The following ADPRS variants were observed in gnomAD, a reference collection of about 807,000 sequenced individuals.
ADPRS encodes the protein ADP-ribosylserine hydrolase.
Under a neutral mutation model 32.1 loss-of-function variants are expected in ADPRS, and 25 were observed. That is an observed-to-expected ratio of 0.78 (90% CI 0.57 to 1.09). ADPRS has a LOEUF of 1.09. Among genes scored for constraint, ADPRS ranks in the 50% least tolerant of loss-of-function variants. ADPRS has a pLI of 0.00. For missense variants in ADPRS, 482 were observed against 480.6 expected, an observed-to-expected ratio of 1.00 and a Z score of -0.03; for synonymous variants, 225 against 201.0, an observed-to-expected ratio of 1.12 and a Z score of -1.01.
In ADPRS at chr1:36,091,320, CG is replaced by C. The variant is rs1557733362; in HGVS notation, c.289del (p.Glu97ArgfsTer24). 6.2e-7 allele frequency: 1 copy of C among 1,614,134 alleles called. No homozygotes were observed. Among genetic ancestry groups the C allele is most frequent in the Non-Finnish European group, 8.5e-7 (1 of 1,180,020 alleles). On this transcript the variant is annotated frameshift_variant, in exon 2 of 6. Transcript: ENST00000373178. LOFTEE classifies it high-confidence loss of function. Reference protein sequence around the residue: ...QSLLAKEAFDEVDMAHRFAQE... With the variant: ...QSLLAKEAFDXVDMAHRFAQE... ...CCCTGCTAGCCAAGGAGGCCTTTGACGAGGTGGACATGGCTCACAGGTGAGG... is the reference window on the plus strand; with the variant it reads ...CCCTGCTAGCCAAGGAGGCCTTTGACAGGTGGACATGGCTCACAGGTGAGG...
rs1007316356 is a variant in ADPRS at position 36,092,226 on chromosome 1, T to C, written c.701+132T>C. ...CATGGGCAGAAGCCCCTTTATCTTG[T>C]CTATGTTTCAAGGCTCTCAGGGTCC... On this transcript the variant is annotated intron_variant, in intron 4 of 5. Transcript: ENST00000373178. The C allele has an allele frequency of 3.0e-6, 4 of 1,324,800 alleles. No homozygotes were observed. In the African/African-American group the frequency reaches 5.9e-5, roughly 20 times the overall value. The allele number at this position is 1,324,800 out of a possible 1,614,324, so 82.1% of individuals were successfully genotyped here. A position where few individuals can be genotyped will look rare whatever the true frequency, so the allele number is the denominator to read the frequency against.
In ADPRS at chr1:36,092,486, G is replaced by A; in HGVS notation, c.766G>A (p.Ala256Thr). 1 of 1,614,194 alleles carries A rather than the reference G, an allele frequency of 6.2e-7. No homozygotes were observed. The highest frequency in any genetic ancestry group is 8.5e-7 in the Non-Finnish European group (1 of 1,180,042). Reference protein sequence around the residue: ...LKKIGELLDQASVTREEVVSE... With the variant: ...LKKIGELLDQTSVTREEVVSE... ...GAAGATTGGAGAGCTTCTAGACCAGGCATCGGTGACCAGGGAGGAAGTGGT... is the reference window on the plus strand; with the variant it reads ...GAAGATTGGAGAGCTTCTAGACCAGACATCGGTGACCAGGGAGGAAGTGGT... The change falls in exon 5 of 6, where the codon GCA becomes ACA. Residue 256 changes from alanine to threonine, a missense_variant. Coordinates refer to ENST00000373178, the MANE Select transcript of ADPRS (RefSeq NM_017825.3).
chr1:36,092,002 G>A lies in ADPRS; in HGVS notation c.609G>A (p.Gln203=), dbSNP rs760340955. 2 of 1,614,094 alleles carry A rather than the reference G, an allele frequency of 1.2e-6. No individual in the cohort carries two copies. Among genetic ancestry groups the A allele is most frequent in the Non-Finnish European group, 1.7e-6 (2 of 1,179,992 alleles). ...LQALAVHLAL[Q]GESSSEHFLK... is the part of the protein sequence containing the mutation. ...CCCTGGCTGTGCACCTGGCCTTGCA[G>A]GGCGAGTCTTCCAGCGAGCACTTTC... The change falls in exon 4 of 6, where the codon CAG becomes CAA. Residue 203 remains glutamine, a synonymous_variant. Transcript: ENST00000373178.
intron 2 of ADPRS, 130 bp from the exon 3 acceptor site, chr1:36,091,488 C>A: frequency 8.3e-7 from 1 of 1,201,266 alleles, no homozygotes; most frequent in Non-Finnish European, 1.2e-6. Context: ...GCTAAAACAG[C>A]AGCACTGCTG....
chr1:36,091,636 G>C lies in ADPRS; in HGVS notation c.327G>C (p.Lys109Asn), dbSNP rs767700856. The C allele has an allele frequency of 1.7e-5, 28 of 1,605,058 alleles. No homozygotes were observed. The highest frequency in any genetic ancestry group is 2.0e-5 in the Non-Finnish European group (24 of 1,175,310). Residue 109 changes from lysine (K) to asparagine (N), a missense_variant, in exon 3 of 6, where the codon AAG (lysine) becomes AAC (asparagine). By Grantham distance (94) the Lys-to-Asn change is moderately conservative. Transcript: ENST00000373178. ...DMAHRFAQEY[K>N]KDPDRGYGAG... ...TCCCTAGATTTGCTCAGGAGTACAAGAAAGACCCTGACAGGGGCTATGGTG... is the reference window on the plus strand; with the variant it reads ...TCCCTAGATTTGCTCAGGAGTACAACAAAGACCCTGACAGGGGCTATGGTG...
chr1:36,093,681 T>A lies in ADPRS; in HGVS notation c.*295T>A, dbSNP rs1333535704. On this transcript the variant is annotated 3_prime_UTR_variant, in exon 6 of 6. Transcript: ENST00000373178. ...TATTTTGGAGGGGTACTTGTGGCATTTTCCTGTATTGTCTTGGACATGGGA... is the reference window on the plus strand; with the variant it reads ...TATTTTGGAGGGGTACTTGTGGCATATTCCTGTATTGTCTTGGACATGGGA... The A allele has an allele frequency of 5.1e-6, 2 of 388,796 alleles. No homozygotes were observed. The highest frequency in any genetic ancestry group is 4.0e-5 in the African/African-American group (2 of 50,386). The allele number at this position is 388,796 out of a possible 1,614,324, so 24.1% of individuals were successfully genotyped here. A position where few individuals can be genotyped will look rare whatever the true frequency, so the allele number is the denominator to read the frequency against.
chr1:36,091,496 C>A, intron 2 of ADPRS, 122 bp from the exon 3 acceptor site: 1 of 1,192,024 alleles, frequency 8.4e-7, no homozygotes, highest in Non-Finnish European at 1.2e-6. Flanking sequence ...AGCAGCACTG[C>A]TGGTGCAGGC....
At position 36,092,259 on chromosome 1, in the gene ADPRS, C is replaced by T. The variant is rs77760126; in HGVS notation, c.702-163C>T. On this transcript the variant is annotated intron_variant, in intron 4 of 5. Transcript: ENST00000373178. ...TCAAGGCTCTCAGGGTCCCAGAGAA[C>T]GAAACGACCTGCTCACCCCAGCCCT... 3.0e-3 allele frequency among the ~76,000 whole-genome samples: 455 copies of T among 152,256 alleles called. 20 individuals carry two copies. The East Asian group carries it at 0.077, about 26-fold the overall frequency.
At chr1:36,092,228 T>C (rs1643494347) in intron 4 of ADPRS, 134 bp downstream of exon 4, 1 of 1,318,432 alleles carries the variant, frequency 7.6e-7, no homozygotes, top group Non-Finnish European at 1.0e-6. Flanking sequence ...TTATCTTGTC[T>C]ATGTTTCAAG....
rs1643498617 is a variant in ADPRS, at chr1:36,092,535, GC to G, written c.802+15del. The G allele has an allele frequency of 6.2e-7, 1 of 1,612,416 alleles. No individual in the cohort carries two copies. Among genetic ancestry groups the G allele is most frequent in the South Asian group, 1.1e-5 (1 of 91,070 alleles). ...GTGTCTGAGCTAGGTGAGTGGGTCT[GC>G]CTGGGATTGTCTCTCCCTCTGTCGT... On this transcript the variant is annotated intron_variant, in intron 5 of 5. Coordinates refer to ENST00000373178, the MANE Select transcript of ADPRS (RefSeq NM_017825.3).
At chr1:36,090,679 CAA>C (rs10625386) in intron 1 of ADPRS, among the ~76,000 whole-genome samples, 54 of 65,352 alleles carry the variant, frequency 8.3e-4, no homozygotes, top group East Asian at 2.3e-3. Flanking sequence ...TCCATCTCTA[CAA>C]AAAAAAAAAA....
At chr1:36,092,587 G>A in intron 5 of ADPRS, 65 bp downstream of exon 5, 2 of 1,499,668 alleles carry the variant, frequency 1.3e-6, no homozygotes, top group Non-Finnish European at 1.9e-6. Context: ...TTGGGCTCAG[G>A]GGAGCATGGA....
chr1:36,089,084 G>T lies in ADPRS; in HGVS notation c.180G>T (p.Pro60=). 1.4e-6 allele frequency: 2 copies of T among 1,434,534 alleles called. No individual in the cohort carries two copies. Among genetic ancestry groups the T allele is most frequent in the Non-Finnish European group, 1.8e-6 (2 of 1,096,266 alleles). The allele number at this position is 1,434,534 out of a possible 1,614,324, so 88.9% of individuals were successfully genotyped here. The change falls in exon 1 of 6, where the codon CCG becomes CCT. Residue 60 remains proline (P), a synonymous_variant. Transcript: ENST00000373178. ...TGCGTCATGTCCAGAGTCTGGAGCC[G>T]GACCCCGGCACGCCCGGGAGTGAGC... The part of the protein sequence containing the change: ...SVLRHVQSLE[P]DPGTPGSERT...
In ADPRS at chr1:36,093,526, G is replaced by T. The variant is rs1224200092; in HGVS notation, c.*140G>T. 4 of 1,145,344 alleles carry T rather than the reference G, an allele frequency of 3.5e-6. No homozygotes were observed. Among genetic ancestry groups the T allele is most frequent in the Non-Finnish European group, 4.9e-6 (4 of 823,816 alleles). The allele number at this position is 1,145,344 out of a possible 1,614,324, so 70.9% of individuals were successfully genotyped here. ...GACTGAGTACACCGGTGAGGCTGGG[G>T]TCTCTGCAGGGGAGGTCACTGGAAC... On this transcript the variant is annotated 3_prime_UTR_variant, in exon 6 of 6. Coordinates refer to ENST00000373178, the MANE Select transcript of ADPRS (RefSeq NM_017825.3).
In ADPRS at chr1:36,088,897, G is replaced by A. The variant is rs1275543515; in HGVS notation, c.-8G>A. On this transcript the variant is annotated 5_prime_UTR_variant, in exon 1 of 6. Transcript: ENST00000373178. ...CGGCACCGGAAGTGGCGAGCAGTCT[G>A]CGCGCGGATGGCCGCAGCGGCGATG... 3.3e-6 allele frequency: 5 copies of A among 1,525,608 alleles called. No homozygotes were observed. The highest frequency in any genetic ancestry group is 4.4e-6 in the Non-Finnish European group (5 of 1,142,144). 94.5% of individuals were successfully genotyped at this position (1,525,608 alleles called of 1,614,324 possible). A position where few individuals can be genotyped will look rare whatever the true frequency, so the allele number is the denominator to read the frequency against.
rs370323258 is a variant in ADPRS at position 36,093,392 on chromosome 1, G to T, written c.*6G>T. On this transcript the variant is annotated 3_prime_UTR_variant, in exon 6 of 6. Coordinates refer to ENST00000373178, the MANE Select transcript of ADPRS (RefSeq NM_017825.3). ...GTGTCTTCCAGAAGAGTTGATGAGG[G>T]CTACAGCTGTTGGGGCTCTGCCAGG... 5 of 1,607,274 alleles carry T rather than the reference G, an allele frequency of 3.1e-6. No individual in the cohort carries two copies. The highest frequency in any genetic ancestry group is 2.7e-5 in the African/African-American group (2 of 74,814).
At chr1:36,092,182 A>G (rs907437387) in intron 4 of ADPRS, 88 bp downstream of exon 4, 39 of 1,484,148 alleles carry the variant, frequency 2.6e-5, no homozygotes, top group East Asian at 9.3e-5. Flanking sequence ...ACCTTCCTCA[A>G]TTGCAGACCC....
chr1:36,092,533 C>G lies in ADPRS; in HGVS notation c.802+11C>G, dbSNP rs1334782124. On this transcript the variant is annotated intron_variant, in intron 5 of 5. Transcript: ENST00000373178. ...TGGTGTCTGAGCTAGGTGAGTGGGT[C>G]TGCCTGGGATTGTCTCTCCCTCTGT... 2 of 1,613,030 alleles carry G rather than the reference C, an allele frequency of 1.2e-6. No individual in the cohort carries two copies. Among genetic ancestry groups the G allele is most frequent in the Non-Finnish European group, 1.7e-6 (2 of 1,178,998 alleles).
In ADPRS at chr1:36,091,672, C is replaced by A; in HGVS notation, c.363C>A (p.Val121=). ...ACAGGGGCTATGGTGCTGGAGTAGT[C>A]ACTGTCTTCAAGAAGCTCCTGAACC... ...DPDRGYGAGV[V]TVFKKLLNPK... is the part of the protein sequence containing the mutation. Residue 121 remains valine, a synonymous_variant, in exon 3 of 6, where the codon GTC becomes GTA. Transcript: ENST00000373178. 2 of 1,613,686 alleles carry A rather than the reference C, an allele frequency of 1.2e-6. No homozygotes were observed. The highest frequency in any genetic ancestry group is 1.7e-6 in the Non-Finnish European group (2 of 1,179,812).
Sources: gnomAD v4.1 joint callset for allele counts (sites outside exome capture counted in the v4.1 genomes callset) on GRCh38, gnomAD v4.1.1 for gene constraint, MANE v1.5 for transcripts, NCBI Gene and HGNC (gene_info 2026-07-23, HGNC 2026-07-21) for gene names.